The following SNX29 variants were observed in gnomAD, a reference collection of about 807,000 sequenced individuals.
The protein encoded by SNX29 is sorting nexin-29.
SNX29 carries 78 observed loss-of-function variants against 102.1 expected under a neutral mutation model. The observed-to-expected ratio is 0.76, with a 90% CI of 0.64 to 0.92. SNX29 has a LOEUF of 0.92. Ranked by LOEUF, SNX29 falls within the 40% of genes least tolerant of loss-of-function variation. The pLI is 0.00. For missense variants in SNX29, 1,280 were observed against 1,061.7 expected, an observed-to-expected ratio of 1.21 and a Z score of -2.86; for synonymous variants, 580 against 414.5, an observed-to-expected ratio of 1.40 and a Z score of -4.85.
chr16:12,276,797 GTGGGCATATA>G (rs1487549524), intron 14 of SNX29, among the ~76,000 whole-genome samples: 4 of 152,122 alleles, frequency 2.6e-5, no homozygotes, highest in African/African-American at 9.7e-5. Flanking sequence ...TCCCTGCAGA[GTGGGCATATA>G]TGGGCATATA....
intron 19 of SNX29, among the ~76,000 whole-genome samples, chr16:12,524,084 C>A (rs1276855272): frequency 6.6e-6 from 1 of 152,114 alleles, no homozygotes; most frequent in East Asian, 1.9e-4. Context: ...TGGGGTTTCT[C>A]CAGGTTGGTT....
At chr16:12,385,041 A>G (rs2151443538) in intron 16 of SNX29, among the ~76,000 whole-genome samples, 1 of 152,322 alleles carries the variant, frequency 6.6e-6, no homozygotes, top group African/African-American at 2.4e-5. Flanking sequence ...ATGGCGGCGC[A>G]CGCCTATAGT....
intron 14 of SNX29, among the ~76,000 whole-genome samples, chr16:12,224,263 C>A (rs2077552530): frequency 6.6e-6 from 1 of 152,170 alleles, no homozygotes; most frequent in South Asian, 2.1e-4. Flanking sequence ...CTCCTCTTCC[C>A]TTTTTCCTTT....
At chr16:12,544,100 G>A (rs984946782) in intron 20 of SNX29, among the ~76,000 whole-genome samples, 3 of 152,198 alleles carry the variant, frequency 2.0e-5, no homozygotes, top group Admixed American at 6.5e-5. Context: ...ACTTGGTTGT[G>A]GAAGGCTGTT....
intron 11 of SNX29, among the ~76,000 whole-genome samples, chr16:12,112,699 G>A (rs970828260): frequency 6.6e-6 from 1 of 152,154 alleles, no homozygotes; most frequent in Non-Finnish European, 1.5e-5. Flanking sequence ...CGAGTGAAAG[G>A]GTGCTAAATC....
chr16:12,047,035 G>A (rs1384004277), intron 6 of SNX29, among the ~76,000 whole-genome samples: 1 of 152,200 alleles, frequency 6.6e-6, no homozygotes, highest in Admixed American at 6.5e-5. Context: ...GGAGGTGGGA[G>A]ACCTACCTTT....
In SNX29 at chr16:12,570,303, C is replaced by T. The variant is rs868850840; in HGVS notation, c.*1674C>T. The T allele has an allele frequency of 3.2e-5, 33 of 1,035,560 alleles. No individual in the cohort carries two copies. The South Asian group carries it at 1.4e-3, about 44-fold the overall frequency. 64.1% of individuals were successfully genotyped at this position (1,035,560 alleles called of 1,614,324 possible). A position where few individuals can be genotyped will look rare whatever the true frequency, so the allele number is the denominator to read the frequency against. ...CAGTCAGTTTGCGAGTGTGGAGGACCCGAGACATCCTGTAAAGGCAACTTG... is the reference window on the plus strand; with the variant it reads ...CAGTCAGTTTGCGAGTGTGGAGGACTCGAGACATCCTGTAAAGGCAACTTG... On this transcript the variant is annotated 3_prime_UTR_variant, in exon 21 of 21. Coordinates refer to ENST00000566228, the MANE Select transcript of SNX29 (RefSeq NM_032167.5).
At chr16:12,559,015 C>A (rs1160196316) in intron 20 of SNX29, among the ~76,000 whole-genome samples, 1 of 152,162 alleles carries the variant, frequency 6.6e-6, no homozygotes, top group Non-Finnish European at 1.5e-5. Flanking sequence ...GGGAGAGAGA[C>A]AAAAGACTCC....
At chr16:12,547,313 C>T (rs1043807408) in intron 20 of SNX29, among the ~76,000 whole-genome samples, 3 of 152,134 alleles carry the variant, frequency 2.0e-5, no homozygotes, top group Non-Finnish European at 4.4e-5. Context: ...CCAGGGTAGC[C>T]CAGGAACAGA....
At chr16:12,076,082 G>A (rs1008049216) in intron 10 of SNX29, among the ~76,000 whole-genome samples, 1 of 152,154 alleles carries the variant, frequency 6.6e-6, no homozygotes, top group Non-Finnish European at 1.5e-5. Context: ...CCCTTTCCTT[G>A]AACAGGAAAG....
intron 4 of SNX29, among the ~76,000 whole-genome samples, chr16:12,032,819 C>T (rs1567547218): frequency 6.6e-6 from 1 of 151,776 alleles, no homozygotes; most frequent in Non-Finnish European, 1.5e-5. Flanking sequence ...TTTTCTCCAC[C>T]ATCCTTCCAC....
At chr16:12,021,510 C>G in intron 3 of SNX29, among the ~76,000 whole-genome samples, 1 of 152,020 alleles carries the variant, frequency 6.6e-6, no homozygotes, top group Admixed American at 6.6e-5. Flanking sequence ...CATGGCTGAT[C>G]CTGTTGTTTT....
chr16:12,192,453 T>G (rs1192954801), intron 13 of SNX29, among the ~76,000 whole-genome samples: 2 of 152,204 alleles, frequency 1.3e-5, no homozygotes, highest in African/African-American at 4.8e-5. Flanking sequence ...TTTCCACCCC[T>G]CATTCCATTT....
intron 19 of SNX29, among the ~76,000 whole-genome samples, chr16:12,514,679 A>G (rs2089783347): frequency 6.6e-6 from 1 of 152,160 alleles, no homozygotes; most frequent in Non-Finnish European, 1.5e-5. Context: ...AGCCTGGCCA[A>G]CATGGTGAAA....
intron 20 of SNX29, among the ~76,000 whole-genome samples, chr16:12,533,805 C>T (rs1036170782): frequency 1.3e-5 from 2 of 152,188 alleles, no homozygotes; most frequent in African/African-American, 4.8e-5. Flanking sequence ...TAGGCCCCAT[C>T]AAAAGGGATC....
At chr16:12,340,658 A>G (rs2151255037) in intron 15 of SNX29, among the ~76,000 whole-genome samples, 1 of 152,350 alleles carries the variant, frequency 6.6e-6, no homozygotes, top group Non-Finnish European at 1.5e-5. Context: ...ACAAGAGGCT[A>G]GAACTGCGAG....
chr16:12,538,215 A>G (rs2077165403), intron 20 of SNX29, among the ~76,000 whole-genome samples: 1 of 152,162 alleles, frequency 6.6e-6, no homozygotes, highest in African/African-American at 2.4e-5. Context: ...TTCTGGGTTC[A>G]TGCCATTCTT....
intron 15 of SNX29, among the ~76,000 whole-genome samples, chr16:12,285,048 C>T (rs1242379186): frequency 2.6e-5 from 4 of 152,182 alleles, no homozygotes; most frequent in South Asian, 2.1e-4. Flanking sequence ...TTTTCTGAGC[C>T]TGATTTCCCC....
At chr16:12,481,425 CATATACACAT>C (rs1240698980) in intron 19 of SNX29, among the ~76,000 whole-genome samples, 3 of 149,634 alleles carry the variant, frequency 2.0e-5, no homozygotes, top group Non-Finnish European at 4.4e-5. Flanking sequence ...TACATACACA[CATATACACAT>C]ATATACACAC....
Sources: allele counts gnomAD v4.1 joint callset (sites outside exome capture counted in the v4.1 genomes callset), GRCh38; gene constraint gnomAD v4.1.1; transcripts MANE v1.5; gene names NCBI Gene and HGNC (gene_info 2026-07-23, HGNC 2026-07-21).